The following FBXW10B variants were observed in gnomAD, a reference collection of about 807,000 sequenced individuals.
The protein encoded by FBXW10B is F-box and WD repeat domain containing protein 10B.
the FBXW10B span, among the ~76,000 whole-genome samples, chr17:15,618,309 C>CAG: frequency 6.6e-6 from 1 of 151,944 alleles, no homozygotes; most frequent in South Asian, 2.1e-4. Context: ...GCCTGGGTGA[C>CAG]AGCGAGACTC....
the FBXW10B span, chr17:15,571,971 G>GC: frequency 1.3e-5 from 2 of 152,048 alleles, no homozygotes; most frequent in Non-Finnish European, 2.9e-5. Context: ...CGGCGGTGGG[G>GC]GGAGGGGTGC....
chr17:15,602,454 A>G, the FBXW10B span, among the ~76,000 whole-genome samples: 2 of 152,156 alleles, frequency 1.3e-5, no homozygotes. Context: ...CAAATAGATT[A>G]AAAAACTGAA....
At chr17:15,574,304 TTCC>T in the FBXW10B span, 1 of 509,238 alleles carries the variant, frequency 2.0e-6, no homozygotes, top group Non-Finnish European at 3.4e-6. Flanking sequence ...TCTTCCTGTT[TTCC>T]TCCTATTTAA....
chr17:15,588,666 CACAA>C, the FBXW10B span: 18 of 600,780 alleles, frequency 3.0e-5, no homozygotes, highest in Non-Finnish European at 4.4e-5. Context: ...CCAGAGCTCC[CACAA>C]ACATATTCTT....
the FBXW10B span, among the ~76,000 whole-genome samples, chr17:15,609,611 C>T: frequency 1.3e-5 from 2 of 151,624 alleles, no homozygotes; most frequent in Non-Finnish European, 2.9e-5. Context: ...TTTCCACATC[C>T]ATAAACTGGG....
At chr17:15,571,225 G>A in the FBXW10B span, among the ~76,000 whole-genome samples, 1 of 151,874 alleles carries the variant, frequency 6.6e-6, no homozygotes, top group Admixed American at 6.6e-5. Flanking sequence ...TGTGCCTGTA[G>A]TCCCAACTAC....
chr17:15,615,607 C>A, the FBXW10B span: 3 of 1,613,114 alleles, frequency 1.9e-6, no homozygotes, highest in Non-Finnish European at 2.5e-6. Context: ...GCCACCGCAC[C>A]TAGCCCATAT....
At chr17:15,571,320 G>A in the FBXW10B span, among the ~76,000 whole-genome samples, 1 of 151,724 alleles carries the variant, frequency 6.6e-6, no homozygotes, top group Non-Finnish European at 1.5e-5. Context: ...ACTCAAGTCT[G>A]GGTGACACAG....
the FBXW10B span, among the ~76,000 whole-genome samples, chr17:15,582,002 G>T: frequency 6.7e-6 from 1 of 150,302 alleles, no homozygotes; most frequent in Non-Finnish European, 1.5e-5. Flanking sequence ...ATAAAAAGGA[G>T]AAAAAGGACT....
the FBXW10B span, chr17:15,613,723 G>T: frequency 1.2e-6 from 2 of 1,612,600 alleles, no homozygotes; most frequent in Admixed American, 1.7e-5. Context: ...ACTTGTTCAG[G>T]GTGTGTCTAT....
At chr17:15,594,075 A>G in the FBXW10B span, among the ~76,000 whole-genome samples, 4 of 151,702 alleles carry the variant, frequency 2.6e-5, no homozygotes, top group East Asian at 7.7e-4. Context: ...TTTTTTTTTT[A>G]TCTAACATAT....
At chr17:15,579,156 A>G in the FBXW10B span, among the ~76,000 whole-genome samples, 1 of 151,414 alleles carries the variant, frequency 6.6e-6, no homozygotes, top group Admixed American at 6.6e-5. Context: ...AAAATAAATA[A>G]ATAAATAAAT....
chr17:15,598,719 C>A, the FBXW10B span: 1 of 1,590,420 alleles, frequency 6.3e-7, no homozygotes, highest in Middle Eastern at 1.7e-4. Context: ...CTGCGTAGAA[C>A]CCATGTAGAT....
the FBXW10B span, among the ~76,000 whole-genome samples, chr17:15,611,543 T>C: frequency 6.6e-6 from 1 of 152,258 alleles, no homozygotes; most frequent in East Asian, 1.9e-4. Flanking sequence ...GTCCAGTCCA[T>C]GACAGCCACA....
At chr17:15,613,715 T>C in the FBXW10B span, 8 of 1,611,992 alleles carry the variant, frequency 5.0e-6, no homozygotes, top group South Asian at 1.1e-5. Flanking sequence ...AGAGGCGCAC[T>C]TGTTCAGGGT....
At chr17:15,573,538 A>G in the FBXW10B span, 1 of 152,476 alleles carries the variant, frequency 6.6e-6, no homozygotes, top group Admixed American at 6.5e-5. Context: ...GGATGAGTTC[A>G]GGGGATTTTA....
At chr17:15,593,456 G>A in the FBXW10B span, 1 of 1,614,144 alleles carries the variant, frequency 6.2e-7, no homozygotes, top group East Asian at 2.2e-5. Flanking sequence ...CACAGGCGCT[G>A]ATGACCCGGA....
chr17:15,579,820 G>C, the FBXW10B span, among the ~76,000 whole-genome samples: 4 of 152,132 alleles, frequency 2.6e-5, no homozygotes, highest in African/African-American at 9.7e-5. Flanking sequence ...ATTAAAGCTT[G>C]TTTCTCTCTT....
chr17:15,617,247 G>A, the FBXW10B span, among the ~76,000 whole-genome samples: 1 of 151,974 alleles, frequency 6.6e-6, no homozygotes, highest in African/African-American at 2.4e-5. Context: ...TGTGTCCTAG[G>A]CCATCCAGCT....
Sources: allele counts gnomAD v4.1 joint callset (sites outside exome capture counted in the v4.1 genomes callset), GRCh38; gene constraint gnomAD v4.1.1; transcripts MANE v1.5; gene names NCBI Gene and HGNC (gene_info 2026-07-23, HGNC 2026-07-21).